Variants in FGF12 observed in about 807,000 individuals in gnomAD.
FGF12 encodes fibroblast growth factor 12B.
A neutral mutation model predicts 23.6 loss-of-function variants in FGF12; 14 were observed. The observed-to-expected ratio is 0.59, with a 90% CI of 0.39 to 0.93. FGF12 has a LOEUF of 0.93. FGF12 is among the 40% of genes least tolerant of loss of function. FGF12 has a pLI of 0.00. For synonymous variants in FGF12, 62 were observed against 77.3 expected (o/e 0.80, Z 1.04); for missense variants, 175 against 217.8 (o/e 0.80, Z 1.24).
chr3:192,599,037 T>C (rs1713982033), intron 2 of FGF12, among the ~76,000 whole-genome samples: 1 of 151,958 alleles, frequency 6.6e-6, no homozygotes, highest in Non-Finnish European at 1.5e-5. Context: ...CCACATATTC[T>C]CACTCTAAGT....
chr3:192,374,370 A>C (rs908230342), intron 2 of FGF12, among the ~76,000 whole-genome samples: 1 of 152,208 alleles, frequency 6.6e-6, no homozygotes, highest in Non-Finnish European at 1.5e-5. Flanking sequence ...AATGGTCATA[A>C]GATTTTCTTC....
At chr3:192,549,198 T>C (rs557099582) in intron 2 of FGF12, among the ~76,000 whole-genome samples, 3 of 152,318 alleles carry the variant, frequency 2.0e-5, no homozygotes, top group African/African-American at 7.2e-5. Context: ...ATTACTCTGG[T>C]ACTAGTATGG....
rs1560075457 is a variant in FGF12, at chr3:192,336,143, A to T, written c.125-679T>A. ...CACACACACACACACACACATATACACACATATATACATACTATATATATA... is the reference window on the plus strand; with the variant it reads ...CACACACACACACACACACATATACTCACATATATACATACTATATATATA... On this transcript the variant is annotated intron_variant, in intron 3 of 5. Coordinates refer to ENST00000445105, the MANE Select transcript of FGF12 (RefSeq NM_004113.6). The surrounding 1 kb of genome is among the most constrained non-coding windows in gnomAD (Gnocchi z 4.3). Among the ~76,000 whole-genome samples, 1 of 151,330 alleles carries T rather than the reference A, an allele frequency of 6.6e-6. No homozygotes were observed. The highest frequency in any genetic ancestry group is 2.4e-5 in the African/African-American group (1 of 41,222).
chr3:192,167,757 ATATATATATATAAAATTT>A lies in FGF12; in HGVS notation c.427+2683_427+2700del, dbSNP rs1715277039. ...TATATATATATATATATATATATAT[ATATATATATATAAAATTT>A]TTTTTTTTTTTTTTTTTTGAGAAAG... is the stretch of plus-strand genomic sequence containing the variant. On this transcript the variant is annotated intron_variant, in intron 5 of 5. Coordinates refer to ENST00000445105, the MANE Select transcript of FGF12 (RefSeq NM_004113.6). 9.8e-5 allele frequency among the ~76,000 whole-genome samples: 3 copies of A among 30,570 alleles called. 1 individual carries two copies. Among genetic ancestry groups the A allele is most frequent in the Admixed American group, 3.8e-4 (1 of 2,618 alleles). 20.1% of individuals were successfully genotyped at this position (30,570 alleles called of 152,430 possible). A position where few individuals can be genotyped will look rare whatever the true frequency, so the allele number is the denominator to read the frequency against.
At chr3:192,644,037 A>G (rs950955011) in intron 2 of FGF12, among the ~76,000 whole-genome samples, 3 of 152,192 alleles carry the variant, frequency 2.0e-5, no homozygotes, top group Non-Finnish European at 4.4e-5. Flanking sequence ...ATAAAATATG[A>G]AGGTCTAAAA....
At chr3:192,405,429 A>T (rs962746347) in intron 2 of FGF12, among the ~76,000 whole-genome samples, 3 of 151,182 alleles carry the variant, frequency 2.0e-5, no homozygotes, top group African/African-American at 7.4e-5. Context: ...CCTTAGATTC[A>T]CTTCCTAAGC....
intron 3 of FGF12, among the ~76,000 whole-genome samples, chr3:192,353,446 T>G (rs1718318807): frequency 7.1e-6 from 1 of 140,714 alleles, no homozygotes; most frequent in Middle Eastern, 3.5e-3. Flanking sequence ...CCCAGCTCAC[T>G]GCAACCTCTG....
intron 4 of FGF12, among the ~76,000 whole-genome samples, chr3:192,242,275 G>A (rs933798041): frequency 5.3e-5 from 8 of 152,188 alleles, no homozygotes; most frequent in African/African-American, 7.2e-5. Context: ...TTTCCACTTC[G>A]GTACTTAAGG....
At chr3:192,503,821 T>C (rs1173229382) in intron 2 of FGF12, among the ~76,000 whole-genome samples, 1 of 152,096 alleles carries the variant, frequency 6.6e-6, no homozygotes, top group Non-Finnish European at 1.5e-5. Context: ...TTAGCCAGGA[T>C]GGTCTTGATC....
At chr3:192,299,432 A>C (rs1338585232) in intron 4 of FGF12, among the ~76,000 whole-genome samples, 1 of 152,176 alleles carries the variant, frequency 6.6e-6, no homozygotes, top group Non-Finnish European at 1.5e-5. Flanking sequence ...ATTCTTTCAT[A>C]TATCTGAAAT....
At chr3:192,669,602 T>TAAAAAAAAAAAAAAAA (rs59897483) in intron 2 of FGF12, among the ~76,000 whole-genome samples, 26 of 59,528 alleles carry the variant, frequency 4.4e-4, no homozygotes, top group Middle Eastern at 0.012. Flanking sequence ...GACTCTGTCT[T>TAAAAAAAAAAAAAAAA]AAAAAAAAAA....
At chr3:192,285,382 T>C (rs776620196) in intron 4 of FGF12, among the ~76,000 whole-genome samples, 8 of 152,062 alleles carry the variant, frequency 5.3e-5, no homozygotes, top group Non-Finnish European at 1.0e-4. Context: ...CAAGCAAATA[T>C]CTTCACATCA....
At chr3:192,295,442 T>G (rs1485943449) in intron 4 of FGF12, among the ~76,000 whole-genome samples, 1 of 152,204 alleles carries the variant, frequency 6.6e-6, no homozygotes, top group African/African-American at 2.4e-5. Flanking sequence ...TCAGATGCCT[T>G]CTCTCCTGGA....
chr3:192,154,599 G>C (rs1714247724), intron 5 of FGF12, among the ~76,000 whole-genome samples: 3 of 151,460 alleles, frequency 2.0e-5, no homozygotes, highest in African/African-American at 7.3e-5. Flanking sequence ...TGCCCCTGCT[G>C]GGCGGTGCCT....
intron 2 of FGF12, among the ~76,000 whole-genome samples, chr3:192,660,672 GAGCCAAAGA>G (rs1366669327): frequency 6.6e-6 from 1 of 152,138 alleles, no homozygotes; most frequent in Non-Finnish European, 1.5e-5. Flanking sequence ...ATCTTCTTCA[GAGCCAAAGA>G]AGTATCTTCT....
chr3:192,405,659 A>AC (rs1367157795), intron 2 of FGF12, among the ~76,000 whole-genome samples: 2,471 of 137,902 alleles, frequency 0.018, 76 homozygotes, highest in African/African-American at 0.06. Flanking sequence ...AACAGATTCG[A>AC]ATAGTTTTTC....
intron 2 of FGF12, among the ~76,000 whole-genome samples, chr3:192,647,778 A>G (rs940913679): frequency 7.3e-5 from 11 of 151,034 alleles, no homozygotes; most frequent in African/African-American, 2.4e-4. Flanking sequence ...CACTATATAT[A>G]TACACACACG....
At chr3:192,592,504 G>A (rs1577069312) in intron 2 of FGF12, among the ~76,000 whole-genome samples, 1 of 151,688 alleles carries the variant, frequency 6.6e-6, no homozygotes, top group South Asian at 2.1e-4. Context: ...TTCTTTCTTA[G>A]GGTTATGGGA....
At chr3:192,497,077 A>T (rs1691064789) in intron 2 of FGF12, among the ~76,000 whole-genome samples, 1 of 152,102 alleles carries the variant, frequency 6.6e-6, no homozygotes, top group Admixed American at 6.5e-5. Context: ...TTATCTTTCT[A>T]TTCAATGTCT....
Sources: gnomAD v4.1 joint callset for allele counts (sites outside exome capture counted in the v4.1 genomes callset) on GRCh38, gnomAD v4.1.1 for gene constraint, Gnocchi (gnomAD v3.1) non-coding constraint, MANE v1.5 for transcripts, NCBI Gene and HGNC (gene_info 2026-07-23, HGNC 2026-07-21) for gene names.